RPS6KA5: variants seen among roughly 807,000 people sequenced by gnomAD.
The protein encoded by RPS6KA5 is ribosomal protein S6 kinase alpha-5.
In RPS6KA5, 27 loss-of-function variants were observed where a neutral mutation model predicts 85.5. That is an observed-to-expected ratio of 0.32 (90% CI 0.23 to 0.44). The LOEUF (loss-of-function observed/expected upper bound fraction) is 0.44, where lower values mean the gene tolerates loss of function less well. Among genes scored for constraint, RPS6KA5 ranks in the 20% least tolerant of loss-of-function variants. RPS6KA5 has a pLI of 1.00. For synonymous variants in RPS6KA5, 334 were observed against 348.2 expected (o/e 0.96, Z 0.46); for missense variants, 811 against 980.9 (o/e 0.83, Z 2.31).
At chr14:91,015,203 C>T (rs1465139904) in intron 1 of RPS6KA5, among the ~76,000 whole-genome samples, 1 of 152,144 alleles carries the variant, frequency 6.6e-6, no homozygotes, top group Non-Finnish European at 1.5e-5. Flanking sequence ...AACTATTTGA[C>T]AGGTTGGAGA....
intron 7 of RPS6KA5, among the ~76,000 whole-genome samples, chr14:90,910,632 A>C (rs1221474520): frequency 6.6e-6 from 1 of 151,642 alleles, no homozygotes; most frequent in Non-Finnish European, 1.5e-5. Context: ...TTTAAGCACA[A>C]GTCTTAGTAA....
chr14:91,055,409 A>C (rs1383953380), intron 1 of RPS6KA5, among the ~76,000 whole-genome samples: 1 of 152,256 alleles, frequency 6.6e-6, no homozygotes, highest in Non-Finnish European at 1.5e-5. Context: ...ATGCATAAAC[A>C]AAACTTGGTA....
intron 3 of RPS6KA5, among the ~76,000 whole-genome samples, chr14:90,947,957 A>G (rs1321010660): frequency 6.6e-6 from 1 of 152,252 alleles, no homozygotes; most frequent in Non-Finnish European, 1.5e-5. Context: ...TTCATTTGTA[A>G]TAATTGCCAG....
intron 7 of RPS6KA5, among the ~76,000 whole-genome samples, chr14:90,918,082 T>G (rs1053283748): frequency 5.9e-5 from 9 of 152,216 alleles, no homozygotes; most frequent in Non-Finnish European, 1.2e-4. Flanking sequence ...AGACAGTGAG[T>G]AACGTTTAAC....
At chr14:90,910,548 A>G (rs902860034) in intron 7 of RPS6KA5, among the ~76,000 whole-genome samples, 1 of 144,280 alleles carries the variant, frequency 6.9e-6, no homozygotes, top group Non-Finnish European at 1.5e-5. Flanking sequence ...TAAACCTATG[A>G]AGCTTTGTAC....
chr14:90,922,778 G>T (rs1354566693), intron 6 of RPS6KA5, among the ~76,000 whole-genome samples: 7 of 152,024 alleles, frequency 4.6e-5, no homozygotes, highest in Non-Finnish European at 8.8e-5. Context: ...TAAGAAATAG[G>T]CTCTCTCAAC....
chr14:90,940,081 G>A (rs1245640620), intron 5 of RPS6KA5, among the ~76,000 whole-genome samples: 2 of 152,130 alleles, frequency 1.3e-5, no homozygotes, highest in Non-Finnish European at 2.9e-5. Context: ...ACTCAGCAAA[G>A]GAAAATTCCT....
At chr14:90,894,749 A>G (rs2034745236) in intron 12 of RPS6KA5, among the ~76,000 whole-genome samples, 166 bp from the exon 13 acceptor site, 1 of 152,244 alleles carries the variant, frequency 6.6e-6, no homozygotes, top group South Asian at 2.1e-4. Context: ...AAGATAATGT[A>G]GCTGTTTTAT....
At chr14:90,940,452 G>C (rs1039757024) in intron 5 of RPS6KA5, among the ~76,000 whole-genome samples, 6 of 152,134 alleles carry the variant, frequency 3.9e-5, no homozygotes, top group Non-Finnish European at 7.4e-5. Flanking sequence ...CAGTCACACA[G>C]CATTTCTGAC....
At chr14:90,968,292 T>C (rs2039164764) in intron 3 of RPS6KA5, among the ~76,000 whole-genome samples, 1 of 151,928 alleles carries the variant, frequency 6.6e-6, no homozygotes, top group South Asian at 2.1e-4. Flanking sequence ...CACCCTCCTC[T>C]CTCCTCCCTC....
At chr14:90,968,539 C>T (rs2039178117) in intron 3 of RPS6KA5, among the ~76,000 whole-genome samples, 1 of 152,268 alleles carries the variant, frequency 6.6e-6, no homozygotes, top group South Asian at 2.1e-4. Context: ...CCTTAACATA[C>T]TACAGTACAA....
chr14:90,929,693 A>G (rs1566753845), intron 5 of RPS6KA5, among the ~76,000 whole-genome samples: 1 of 152,184 alleles, frequency 6.6e-6, no homozygotes, highest in Non-Finnish European at 1.5e-5. Context: ...TTCCCTCCAA[A>G]TTAATTTATA....
At chr14:91,007,110 GAA>G (rs2041055457) in intron 1 of RPS6KA5, among the ~76,000 whole-genome samples, 2 of 152,176 alleles carry the variant, frequency 1.3e-5, no homozygotes, top group South Asian at 4.1e-4. Context: ...GACTCTGAGG[GAA>G]AAGAGGGGCC....
At chr14:90,999,250 A>C (rs2040670492) in intron 2 of RPS6KA5, among the ~76,000 whole-genome samples, 1 of 152,132 alleles carries the variant, frequency 6.6e-6, no homozygotes, top group Admixed American at 6.6e-5. Flanking sequence ...AACAGACATG[A>C]AGCTAGGGAA....
Position 91,060,500 on chromosome 14 carries a change from C to T in RPS6KA5, c.-66G>A, listed in dbSNP as rs142744185. 3 of 1,266,388 alleles carry T rather than the reference C, an allele frequency of 2.4e-6. No homozygotes were observed. Among genetic ancestry groups the T allele is most frequent in the Non-Finnish European group, 2.0e-6 (2 of 998,210 alleles). The allele number at this position is 1,266,388 out of a possible 1,614,324, so 78.4% of individuals were successfully genotyped here. ...AACCCAGGAGACAGCGGACGCCCGT[C>T]CCCTCGCAGCCGCTGCCGCGGCCCC... is the stretch of plus-strand genomic sequence containing the variant. On this transcript the variant is annotated 5_prime_UTR_variant, in exon 1 of 17. Coordinates refer to ENST00000614987, the MANE Select transcript of RPS6KA5 (RefSeq NM_004755.4).
intron 5 of RPS6KA5, among the ~76,000 whole-genome samples, chr14:90,929,818 G>A (rs955724240): frequency 2.6e-5 from 4 of 152,048 alleles, no homozygotes; most frequent in African/African-American, 9.7e-5. Flanking sequence ...AGGGTGAAGA[G>A]GAAAAAGATC....
intron 1 of RPS6KA5, among the ~76,000 whole-genome samples, chr14:91,041,116 T>C (rs2042592093): frequency 6.6e-6 from 1 of 152,112 alleles, no homozygotes; most frequent in Non-Finnish European, 1.5e-5. Context: ...AAGGAGAACC[T>C]GAGGATCAGG....
intron 3 of RPS6KA5, among the ~76,000 whole-genome samples, chr14:90,956,192 CT>C (rs891068801): frequency 6.6e-6 from 1 of 152,010 alleles, no homozygotes. Context: ...GTAGGGTGTC[CT>C]GGAACCAATT....
At chr14:91,060,260 C>G in intron 1 of RPS6KA5, 72 bp downstream of exon 1, 1 of 1,012,398 alleles carries the variant, frequency 9.9e-7, no homozygotes, top group Non-Finnish European at 1.2e-6. Flanking sequence ...CCCCCAGCCC[C>G]GCGCGGGCAC....
Sources: allele counts gnomAD v4.1 joint callset (sites outside exome capture counted in the v4.1 genomes callset), GRCh38; gene constraint gnomAD v4.1.1; transcripts MANE v1.5; gene names NCBI Gene and HGNC (gene_info 2026-07-23, HGNC 2026-07-21).